JPH1: variants seen among roughly 807,000 people sequenced by gnomAD.
The protein encoded by JPH1 is junctophilin-1.
JPH1 carries 12 observed loss-of-function variants against 53.6 expected under a neutral mutation model. The ratio of observed to expected loss-of-function variants is 0.22; its 90% CI spans 0.14 to 0.36. JPH1 has a LOEUF of 0.36. JPH1 is among the 10% of genes least tolerant of loss of function. JPH1 has a pLI of 1.00. For missense variants in JPH1, 808 were observed against 905.5 expected, an observed-to-expected ratio of 0.89 and a Z score of 1.38; for synonymous variants, 375 against 363.8, an observed-to-expected ratio of 1.03 and a Z score of -0.35.
intron 2 of JPH1, among the ~76,000 whole-genome samples, chr8:74,308,534 C>T (rs1429536589): frequency 2.6e-5 from 4 of 152,192 alleles, no homozygotes; most frequent in Non-Finnish European, 5.9e-5. Context: ...TTAATTCATT[C>T]ACCAAATATT....
chr8:74,259,889 C>A (rs1314273671), intron 2 of JPH1, among the ~76,000 whole-genome samples: 1 of 152,176 alleles, frequency 6.6e-6, no homozygotes, highest in Non-Finnish European at 1.5e-5. Context: ...AAATTCATTT[C>A]TACGGTACAA....
chr8:74,307,516 G>A (rs1807873436), intron 2 of JPH1, among the ~76,000 whole-genome samples: 4 of 152,200 alleles, frequency 2.6e-5, no homozygotes. Context: ...AATACAGGTA[G>A]CAGAACTAAA....
chr8:74,264,971 AG>A (rs1806491063), intron 2 of JPH1, among the ~76,000 whole-genome samples: 1 of 152,150 alleles, frequency 6.6e-6, no homozygotes, highest in Non-Finnish European at 1.5e-5. Context: ...CTTTTTGTTA[AG>A]GCTACCTAGA....
intron 2 of JPH1, among the ~76,000 whole-genome samples, chr8:74,305,447 A>T (rs962084359): frequency 3.9e-5 from 6 of 152,194 alleles, no homozygotes; most frequent in African/African-American, 9.7e-5. Context: ...AAAACATAGG[A>T]GTAGGGTGGT....
At position 74,314,870 on chromosome 8, in the gene JPH1, G is replaced by C. The variant is rs1229105368; in HGVS notation, c.1130C>G (p.Ala377Gly). ...AAMARTKVEIANSRTAHARAK... is the reference protein window; with the variant it reads ...AAMARTKVEIGNSRTAHARAK... ...CCCTGCATTTACTTACCTTGAATTT[G>C]CTATTTCCACTTTGGTTCTGGCCAT... The change falls in exon 2 of 6, where the codon GCA (alanine) becomes GGA (glycine). Residue 377 changes from alanine to glycine, a missense_variant. By Grantham distance (60) the Ala-to-Gly change is moderately conservative. This residue lies in a region of JPH1 where 756 missense variants were observed against 811.9 expected (regional missense o/e 0.93). Transcript: ENST00000342232. 3 of 1,614,112 alleles carry C rather than the reference G, an allele frequency of 1.9e-6. 1 individual carries two copies. In the South Asian group the frequency reaches 3.3e-5, roughly 18 times the overall value.
Position 74,244,593 on chromosome 8 carries a change from A to G in JPH1, c.1841T>C (p.Leu614Pro). The G allele has an allele frequency of 6.2e-7, 1 of 1,614,134 alleles. No individual in the cohort carries two copies. Among genetic ancestry groups the G allele is most frequent in the Non-Finnish European group, 8.5e-7 (1 of 1,180,012 alleles). Residue 614 changes from leucine to proline, a missense_variant, in exon 4 of 6, where the codon CTT becomes CCT. Transcript: ENST00000342232. The part of the protein sequence containing the change: ...KAEPKAKKSE[L>P]AIPKNPASND... Reference sequence around the variant, plus strand: ...GCTTGCTGGATTCTTTGGTATAGCAAGTTCAGACTTCTTAGCTTTTGGCTC... The same window carrying G: ...GCTTGCTGGATTCTTTGGTATAGCAGGTTCAGACTTCTTAGCTTTTGGCTC...
chr8:74,281,723 C>T (rs1807022051), intron 2 of JPH1, among the ~76,000 whole-genome samples: 2 of 152,192 alleles, frequency 1.3e-5, no homozygotes, highest in African/African-American at 2.4e-5. Flanking sequence ...TGACCTGACT[C>T]ATTCCACAAC....
intron 2 of JPH1, among the ~76,000 whole-genome samples, chr8:74,278,166 T>C (rs1806904248): frequency 6.6e-6 from 1 of 152,188 alleles, no homozygotes; most frequent in African/African-American, 2.4e-5. Flanking sequence ...GGCAGGTTTT[T>C]CTCATGCTGT....
At chr8:74,302,116 G>A (rs1807700167) in intron 2 of JPH1, among the ~76,000 whole-genome samples, 1 of 152,216 alleles carries the variant, frequency 6.6e-6, no homozygotes, top group Non-Finnish European at 1.5e-5. Flanking sequence ...AACCACTCAA[G>A]ACCTGTTGGG....
chr8:74,250,411 G>A (rs963668761), intron 3 of JPH1, among the ~76,000 whole-genome samples: 1 of 152,192 alleles, frequency 6.6e-6, no homozygotes, highest in African/African-American at 2.4e-5. Flanking sequence ...GGGATTACAG[G>A]CATGAGCCAC....
intron 2 of JPH1, among the ~76,000 whole-genome samples, chr8:74,305,438 A>T (rs1261777865): frequency 6.6e-6 from 1 of 152,248 alleles, no homozygotes; most frequent in African/African-American, 2.4e-5. Flanking sequence ...GCTTTCCAGA[A>T]AACATAGGAG....
chr8:74,283,254 C>G lies in JPH1; in HGVS notation c.1140-23751G>C, dbSNP rs187840543. Among the ~76,000 whole-genome samples, 100 of 151,606 alleles carry G rather than the reference C, an allele frequency of 6.6e-4. 1 individual carries two copies. In the Middle Eastern group the frequency reaches 0.031, roughly 46 times the overall value. ...GTAAAATATAAAATGTTATTAATAT[C>G]TTAAATATATATTTTTAAATTATAA... On this transcript the variant is annotated intron_variant, in intron 2 of 5. Coordinates refer to ENST00000342232, the MANE Select transcript of JPH1 (RefSeq NM_020647.4).
intron 2 of JPH1, among the ~76,000 whole-genome samples, chr8:74,283,575 G>A (rs1237601332): frequency 6.6e-6 from 1 of 152,174 alleles, no homozygotes; most frequent in Non-Finnish European, 1.5e-5. Context: ...GGTAGGCAGA[G>A]GATGAATACA....
intron 2 of JPH1, among the ~76,000 whole-genome samples, chr8:74,272,650 C>A (rs1246401915): frequency 7.0e-6 from 1 of 143,088 alleles, no homozygotes; most frequent in Non-Finnish European, 1.5e-5. Context: ...GTCGCCCAGG[C>A]TGGAGTGCAG....
rs1807059477 is a variant in JPH1 at position 74,283,114 on chromosome 8, G to A, written c.1140-23611C>T. Among the ~76,000 whole-genome samples the A allele has an allele frequency of 5.3e-5, 8 of 152,170 alleles. No homozygotes were observed. In the South Asian group the frequency reaches 1.7e-3, roughly 32 times the overall value. On this transcript the variant is annotated intron_variant, in intron 2 of 5. Transcript: ENST00000342232. ...GGGGAGCAGCGAGTAAAACGTGTAT[G>A]TAGACTTTACCATGCAGCAGTCAGA...
rs761714852 is a variant in JPH1 at position 74,292,784 on chromosome 8, T to C, written c.1139+22077A>G. ...GCCATATGAGGTAGCAACACAGAAA[T>C]GTAGATGTGTAGGTGGGCAATTGTG... On this transcript the variant is annotated intron_variant, in intron 2 of 5. Transcript: ENST00000342232. Among the ~76,000 whole-genome samples, 205 of 152,184 alleles carry C rather than the reference T, an allele frequency of 1.3e-3. 2 individuals are homozygous for C. Among genetic ancestry groups the C allele is most frequent in the Admixed American group, 6.5e-4 (10 of 15,286 alleles).
intron 4 of JPH1, among the ~76,000 whole-genome samples, chr8:74,237,963 T>C (rs1164664342): frequency 6.6e-6 from 1 of 152,220 alleles, no homozygotes; most frequent in Non-Finnish European, 1.5e-5. Context: ...CCTATTTTGA[T>C]AAATATCATT....
chr8:74,251,947 C>G (rs1167230369), intron 3 of JPH1, among the ~76,000 whole-genome samples: 1 of 152,162 alleles, frequency 6.6e-6, no homozygotes, highest in Non-Finnish European at 1.5e-5. Context: ...GTAACCAAAA[C>G]AGCATGGTAC....
chr8:74,309,793 G>C (rs1477637230), intron 2 of JPH1, among the ~76,000 whole-genome samples: 1 of 152,220 alleles, frequency 6.6e-6, no homozygotes. Context: ...GGAATGGTGG[G>C]ATGATCTTGG....
Sources: gnomAD v4.1 joint callset for allele counts (sites outside exome capture counted in the v4.1 genomes callset) on GRCh38, gnomAD v4.1.1 for gene constraint, gnomAD v4.1.1 regional missense constraint, MANE v1.5 for transcripts, NCBI Gene and HGNC (gene_info 2026-07-23, HGNC 2026-07-21) for gene names.